ZNF804B: variants seen among roughly 807,000 people sequenced by gnomAD.
ZNF804B encodes zinc finger 804B.
In ZNF804B, 80 loss-of-function variants were observed where a neutral mutation model predicts 101.4. That is an observed-to-expected ratio of 0.79 (90% confidence interval 0.66 to 0.95). The LOEUF is 0.95. Among genes scored for constraint, ZNF804B ranks in the 40% least tolerant of loss-of-function variants. The probability of loss-of-function intolerance (pLI) is 0.00; values close to 1 mark genes in which losing one functional copy is unlikely to be tolerated. For missense variants in ZNF804B, 1,673 were observed against 1,561.9 expected, an observed-to-expected ratio of 1.07 and a Z score of -1.20; for synonymous variants, 622 against 558.8, an observed-to-expected ratio of 1.11 and a Z score of -1.59.
chr7:89,184,871 G>A (rs1453311497), intron 1 of ZNF804B, among the ~76,000 whole-genome samples: 1 of 151,428 alleles, frequency 6.6e-6, no homozygotes, highest in Admixed American at 6.6e-5. Flanking sequence ...ATTCCTATGG[G>A]CAACTAGACA....
intron 1 of ZNF804B, among the ~76,000 whole-genome samples, chr7:88,913,142 A>G (rs1792574472): frequency 6.6e-6 from 1 of 152,152 alleles, no homozygotes; most frequent in African/African-American, 2.4e-5. Context: ...GGATTACCTT[A>G]ATGTCTTGAT....
At chr7:88,839,233 TG>T (rs976950531) in intron 1 of ZNF804B, among the ~76,000 whole-genome samples, 2 of 152,030 alleles carry the variant, frequency 1.3e-5, no homozygotes, top group African/African-American at 4.8e-5. Context: ...ATTCTTGTGA[TG>T]GAGTCCCTTA....
intron 1 of ZNF804B, among the ~76,000 whole-genome samples, chr7:89,075,209 T>C (rs906881620): frequency 1.3e-5 from 2 of 152,188 alleles, no homozygotes; most frequent in African/African-American, 4.8e-5. Context: ...GAGCCAAATG[T>C]TAATCCCCAA....
intron 1 of ZNF804B, among the ~76,000 whole-genome samples, chr7:89,004,978 T>C (rs920758242): frequency 6.6e-6 from 1 of 151,984 alleles, no homozygotes; most frequent in Non-Finnish European, 1.5e-5. Context: ...AACACTATTA[T>C]TGTTTAGGCC....
chr7:88,774,281 C>A (rs1790112531), intron 1 of ZNF804B, among the ~76,000 whole-genome samples: 1 of 150,520 alleles, frequency 6.6e-6, no homozygotes, highest in African/African-American at 2.5e-5. Flanking sequence ...TGAAAGGCTC[C>A]TGTTAATCCT....
intron 1 of ZNF804B, among the ~76,000 whole-genome samples, chr7:88,906,686 C>T (rs541739161): frequency 6.4e-4 from 97 of 152,158 alleles, no homozygotes; most frequent in African/African-American, 2.2e-3. Flanking sequence ...GTTCCATGTG[C>T]AGATGAAAAT....
At chr7:89,268,452 C>A (rs932373235) in intron 2 of ZNF804B, among the ~76,000 whole-genome samples, 4 of 152,104 alleles carry the variant, frequency 2.6e-5, no homozygotes, top group African/African-American at 9.7e-5. Flanking sequence ...TTTCCAACAA[C>A]ATTGCAAACA....
At chr7:89,154,447 A>G (rs1160964379) in intron 1 of ZNF804B, among the ~76,000 whole-genome samples, 2 of 152,178 alleles carry the variant, frequency 1.3e-5, no homozygotes, top group Non-Finnish European at 2.9e-5. Flanking sequence ...AATAGCCAAC[A>G]TTTGGAAGCA....
chr7:88,767,237 C>T (rs1339183119), intron 1 of ZNF804B, among the ~76,000 whole-genome samples: 13 of 152,204 alleles, frequency 8.5e-5, no homozygotes, highest in African/African-American at 2.7e-4. Context: ...TCACCATCCA[C>T]ACGTAACTTT....
intron 2 of ZNF804B, among the ~76,000 whole-genome samples, chr7:89,288,133 T>C (rs1020252707): frequency 6.6e-6 from 1 of 151,692 alleles, no homozygotes; most frequent in African/African-American, 2.4e-5. Flanking sequence ...AAAATATGAG[T>C]AAAATCTATG....
At chr7:89,324,762 ACTG>A (rs1335798125) in intron 2 of ZNF804B, among the ~76,000 whole-genome samples, 1 of 150,390 alleles carries the variant, frequency 6.6e-6, no homozygotes, top group Non-Finnish European at 1.5e-5. Flanking sequence ...ACCAGTTTCA[ACTG>A]CTATTACATC....
At chr7:89,029,644 C>T (rs565054480) in intron 1 of ZNF804B, among the ~76,000 whole-genome samples, 2 of 152,274 alleles carry the variant, frequency 1.3e-5, no homozygotes, top group African/African-American at 4.8e-5. Flanking sequence ...GGTTATTACT[C>T]TCATCACCAA....
At chr7:88,915,776 G>C (rs1467230946) in intron 1 of ZNF804B, among the ~76,000 whole-genome samples, 1 of 137,900 alleles carries the variant, frequency 7.3e-6, no homozygotes, top group Non-Finnish European at 1.5e-5. Context: ...TTTATTTAAT[G>C]TTAAGATTCA....
intron 2 of ZNF804B, among the ~76,000 whole-genome samples, chr7:89,310,383 GAT>G (rs1351081920): frequency 7.9e-5 from 12 of 152,080 alleles, no homozygotes; most frequent in Admixed American, 2.0e-4. Context: ...ACTATCTTTA[GAT>G]TTAAAATAGT....
At chr7:89,297,370 A>G (rs892853063) in intron 2 of ZNF804B, among the ~76,000 whole-genome samples, 4 of 152,056 alleles carry the variant, frequency 2.6e-5, no homozygotes, top group Non-Finnish European at 5.9e-5. Context: ...ACTATTAACT[A>G]TGCTAAATAA....
chr7:88,836,765 C>T (rs1791220580), intron 1 of ZNF804B, among the ~76,000 whole-genome samples: 1 of 151,802 alleles, frequency 6.6e-6, no homozygotes, highest in African/African-American at 2.4e-5. Flanking sequence ...GTCCTGCAAA[C>T]ACTTGCCACC....
chr7:89,171,288 G>GCTTCTTCTTCTCCTTCTT (rs1791223066), intron 1 of ZNF804B, among the ~76,000 whole-genome samples: 2 of 82,484 alleles, frequency 2.4e-5, no homozygotes, highest in Admixed American at 2.3e-4. Context: ...TGCTGCTGCT[G>GCTTCTTCTTCTCCTTCTT]CTTCTTCTTC....
At chr7:88,867,709 G>C (rs1351902114) in intron 1 of ZNF804B, among the ~76,000 whole-genome samples, 1 of 152,122 alleles carries the variant, frequency 6.6e-6, no homozygotes, top group Non-Finnish European at 1.5e-5. Flanking sequence ...TGAAAATAAT[G>C]TTAGTAATAA....
chr7:88,868,218 T>C (rs28401721), intron 1 of ZNF804B, among the ~76,000 whole-genome samples: 2,475 of 152,254 alleles, frequency 0.016, 50 homozygotes, highest in African/African-American at 0.041. Flanking sequence ...AGCCTGACTG[T>C]ACCTACTTTC....
Sources: allele counts gnomAD v4.1 joint callset (sites outside exome capture counted in the v4.1 genomes callset), GRCh38; gene constraint gnomAD v4.1.1; transcripts MANE v1.5; gene names NCBI Gene and HGNC (gene_info 2026-07-23, HGNC 2026-07-21).